FIGN: variants seen among roughly 807,000 people sequenced by gnomAD.
FIGN encodes the protein fidgetin.
In FIGN, 11 loss-of-function variants were observed where a neutral mutation model predicts 51.3. That is an observed-to-expected ratio of 0.21 (90% CI 0.13 to 0.35). The LOEUF is 0.35. Ranked by LOEUF, FIGN falls within the 10% of genes least tolerant of loss-of-function variation. The probability of loss-of-function intolerance (pLI) is 1.00; values close to 1 mark genes in which losing one functional copy is unlikely to be tolerated. For missense variants in FIGN, 857 were observed against 943.6 expected (o/e 0.91, Z 1.20); for synonymous variants, 407 against 363.2 (o/e 1.12, Z -1.37).
intron 2 of FIGN, among the ~76,000 whole-genome samples, chr2:163,684,936 G>T (rs1684122210): frequency 7.0e-6 from 1 of 142,214 alleles, no homozygotes; most frequent in Non-Finnish European, 1.5e-5. Flanking sequence ...ACCATGCCTG[G>T]CTATTTTTTT....
chr2:163,673,265 C>A (rs182880008), intron 2 of FIGN, among the ~76,000 whole-genome samples: 18 of 151,944 alleles, frequency 1.2e-4, no homozygotes, highest in Non-Finnish European at 1.8e-4. Context: ...AACATACTTG[C>A]GAGACACTGG....
Position 163,680,386 on chromosome 2 carries a change from C to G in FIGN, c.25+54517G>C, listed in dbSNP as rs185020584. On this transcript the variant is annotated intron_variant, in intron 2 of 2. Transcript: ENST00000333129. ...TCTTCTTGTGGCACCGCAAACCAAG[C>G]ACAAAATCTTACTTCCTCACTACAG... Among the ~76,000 whole-genome samples the G allele has an allele frequency of 3.4e-3, 515 of 152,210 alleles. 3 individuals are homozygous for G. Among genetic ancestry groups the G allele is most frequent in the African/African-American group, 0.012 (503 of 41,516 alleles).
chr2:163,710,290 GA>G (rs1323835917), intron 2 of FIGN, among the ~76,000 whole-genome samples: 1 of 152,174 alleles, frequency 6.6e-6, no homozygotes, highest in Non-Finnish European at 1.5e-5. Flanking sequence ...ATGATCCTTA[GA>G]AAAAAATACA....
chr2:163,649,968 G>A (rs80332816), intron 2 of FIGN, among the ~76,000 whole-genome samples: 9,512 of 152,212 alleles, frequency 0.062, 398 homozygotes, highest in African/African-American at 0.1. Context: ...ACACAGCCAG[G>A]AAGTGGAAGA....
chr2:163,691,813 A>G (rs1684243936), intron 2 of FIGN, among the ~76,000 whole-genome samples: 1 of 152,184 alleles, frequency 6.6e-6, no homozygotes. Context: ...AAAGAGGAAA[A>G]TATGTGCTAT....
chr2:163,654,247 A>C (rs1301980759), intron 2 of FIGN, among the ~76,000 whole-genome samples: 1 of 152,106 alleles, frequency 6.6e-6, no homozygotes, highest in Non-Finnish European at 1.5e-5. Context: ...GCAATATTTA[A>C]TATACTATAT....
intron 2 of FIGN, among the ~76,000 whole-genome samples, chr2:163,657,301 C>A (rs568742171): frequency 6.6e-6 from 1 of 152,102 alleles, no homozygotes; most frequent in South Asian, 2.1e-4. Flanking sequence ...TTTTAGGAAG[C>A]CTCCTCGCTC....
chr2:163,611,090 G>A lies in FIGN; in HGVS notation c.742C>T (p.Pro248Ser), dbSNP rs1285452631. 6.2e-7 allele frequency: 1 copy of A among 1,614,126 alleles called. No individual in the cohort carries two copies. The highest frequency in any genetic ancestry group is 8.5e-7 in the Non-Finnish European group (1 of 1,180,020). The change falls in exon 3 of 3, where the codon CCG becomes TCG. Residue 248 changes from proline (P) to serine (S), a missense_variant. Physicochemically the swap from Pro to Ser is moderately conservative, Grantham distance 74 (BLOSUM62 -1). This residue lies in a region of FIGN where 799 missense variants were observed against 849.5 expected (regional missense o/e 0.94). Transcript: ENST00000333129. ...GTCTGAGGAGGATAGCTAGCAGACG[G>A]ATAGCTGTAACTGGAGAGGTTAGAA... ...GTSNLSSYSY[P>S]SASYPPQTAV...
At chr2:163,645,828 A>G (rs1002439051) in intron 2 of FIGN, among the ~76,000 whole-genome samples, 1 of 152,216 alleles carries the variant, frequency 6.6e-6, no homozygotes, top group South Asian at 2.1e-4. Flanking sequence ...ACAAGAAAGT[A>G]TATACTGGTC....
intron 2 of FIGN, among the ~76,000 whole-genome samples, chr2:163,672,731 T>G (rs1284605233): frequency 6.6e-6 from 1 of 152,220 alleles, no homozygotes; most frequent in African/African-American, 2.4e-5. Context: ...GTTTAGAAGT[T>G]AACTTTAAAC....
intron 2 of FIGN, among the ~76,000 whole-genome samples, chr2:163,703,900 CA>C (rs1204105808): frequency 6.6e-6 from 1 of 152,104 alleles, no homozygotes; most frequent in South Asian, 2.1e-4. Context: ...CTAATCCTAA[CA>C]CATAGATTAC....
chr2:163,687,199 C>T (rs1430993027), intron 2 of FIGN, among the ~76,000 whole-genome samples: 2 of 152,150 alleles, frequency 1.3e-5, no homozygotes, highest in African/African-American at 4.8e-5. Flanking sequence ...AACTTCTTCT[C>T]CTGTGCCCTC....
chr2:163,678,001 G>C (rs905595216), intron 2 of FIGN, among the ~76,000 whole-genome samples: 5 of 152,208 alleles, frequency 3.3e-5, no homozygotes, highest in Non-Finnish European at 5.9e-5. Context: ...AAAGATAGTA[G>C]AGTTGCTATA....
intron 2 of FIGN, among the ~76,000 whole-genome samples, chr2:163,623,959 T>A (rs1306179959): frequency 1.3e-5 from 2 of 152,150 alleles, no homozygotes; most frequent in East Asian, 3.8e-4. Context: ...AGCATTAAAA[T>A]GTTACTAGAG....
At chr2:163,621,638 C>G (rs112328674) in intron 2 of FIGN, among the ~76,000 whole-genome samples, 66 of 152,242 alleles carry the variant, frequency 4.3e-4, no homozygotes, top group Non-Finnish European at 7.6e-4. Flanking sequence ...CACCCTGCCC[C>G]CTTCTAGTGA....
chr2:163,724,293 G>A lies in FIGN; in HGVS notation c.25+10610C>T, dbSNP rs921003771. On this transcript the variant is annotated intron_variant, in intron 2 of 2. Transcript: ENST00000333129. ...CTAGATAGGTTGTTGAACTTCAGCC[G>A]GATGATGAGCTATCTGTACATGTCA... 4.6e-5 allele frequency among the ~76,000 whole-genome samples: 7 copies of A among 152,038 alleles called. No homozygotes were observed. In the South Asian group the frequency reaches 6.2e-4, roughly 14 times the overall value.
At chr2:163,623,730 C>T (rs1273921337) in intron 2 of FIGN, among the ~76,000 whole-genome samples, 3 of 152,068 alleles carry the variant, frequency 2.0e-5, no homozygotes, top group Non-Finnish European at 2.9e-5. Flanking sequence ...AATCTTCTGG[C>T]CATTATATGA....
intron 2 of FIGN, among the ~76,000 whole-genome samples, chr2:163,724,839 T>C (rs1684815765): frequency 6.6e-6 from 1 of 152,090 alleles, no homozygotes; most frequent in Non-Finnish European, 1.5e-5. Context: ...TTTTTAAAAT[T>C]ATGGGGACGA....
At chr2:163,634,584 T>TTGTGTG (rs1424746483) in intron 2 of FIGN, among the ~76,000 whole-genome samples, 1 of 152,070 alleles carries the variant, frequency 6.6e-6, no homozygotes, top group Non-Finnish European at 1.5e-5. Context: ...GTTAGCATTT[T>TTGTGTG]TGTGTGTGTA....
Sources: allele counts gnomAD v4.1 joint callset (sites outside exome capture counted in the v4.1 genomes callset), GRCh38; gene constraint gnomAD v4.1.1; regional missense constraint gnomAD v4.1.1; transcripts MANE v1.5; gene names NCBI Gene and HGNC (gene_info 2026-07-23, HGNC 2026-07-21).